TOX: variants seen among roughly 807,000 people sequenced by gnomAD.
The protein encoded by TOX is thymocyte selection associated high mobility group box.
A neutral mutation model predicts 53.7 loss-of-function variants in TOX; 11 were observed. That is an observed-to-expected ratio of 0.20 (90% confidence interval 0.13 to 0.34). The LOEUF (loss-of-function observed/expected upper bound fraction) is 0.34. TOX is among the 10% of genes least tolerant of loss of function. The probability of loss-of-function intolerance (pLI) is 1.00; values close to 1 mark genes in which losing one functional copy is unlikely to be tolerated. For synonymous variants in TOX, 225 were observed against 245.3 expected (o/e 0.92, Z 0.77); for missense variants, 570 against 664.6 (o/e 0.86, Z 1.56).
chr8:59,086,306 C>A (rs375367590), intron 1 of TOX, among the ~76,000 whole-genome samples: 199 of 152,126 alleles, frequency 1.3e-3, no homozygotes, highest in African/African-American at 4.2e-3. Flanking sequence ...GAATATTAAA[C>A]CTTATTTGAC....
intron 5 of TOX, among the ~76,000 whole-genome samples, chr8:58,835,781 T>C (rs1188284055): frequency 2.0e-5 from 3 of 152,146 alleles, no homozygotes; most frequent in Admixed American, 6.5e-5. Flanking sequence ...AAAATGTAAC[T>C]GGGGTCAGAG....
intron 1 of TOX, among the ~76,000 whole-genome samples, chr8:59,045,030 C>A (rs560911168): frequency 4.6e-5 from 7 of 152,248 alleles, no homozygotes; most frequent in Non-Finnish European, 7.3e-5. Context: ...ATAGTGCACA[C>A]TCACCTTGTA....
chr8:58,991,044 T>C (rs553364229), intron 1 of TOX, among the ~76,000 whole-genome samples: 6 of 152,296 alleles, frequency 3.9e-5, no homozygotes, highest in South Asian at 2.1e-4. Flanking sequence ...AAGAATAATA[T>C]ATTTTACAGA....
chr8:58,851,376 G>A lies in TOX; in HGVS notation c.693+148C>T. 1 of 856,030 alleles carries A rather than the reference G, an allele frequency of 1.2e-6. No individual in the cohort carries two copies. Among genetic ancestry groups the A allele is most frequent in the Admixed American group, 2.7e-5 (1 of 36,600 alleles). 53.0% of individuals were successfully genotyped at this position (856,030 alleles called of 1,614,324 possible). ...TTGGACAAGCAGGTGGTTTAATCCA[G>A]TATGTTTGTAACCTCATGCTTCATT... is the stretch of plus-strand genomic sequence containing the variant. On this transcript the variant is annotated intron_variant, in intron 4 of 8. Coordinates refer to ENST00000361421, the MANE Select transcript of TOX (RefSeq NM_014729.3). The surrounding 1 kb of genome is among the most constrained non-coding windows in gnomAD (Gnocchi z 4.4).
At chr8:58,951,709 G>A (rs1272536653) in intron 2 of TOX, among the ~76,000 whole-genome samples, 2 of 152,192 alleles carry the variant, frequency 1.3e-5, no homozygotes, top group Non-Finnish European at 2.9e-5. Flanking sequence ...GAAAGCCTTC[G>A]TTACTGGTCT....
At chr8:58,834,511 C>T (rs1468299494) in intron 5 of TOX, among the ~76,000 whole-genome samples, 4 of 152,124 alleles carry the variant, frequency 2.6e-5, no homozygotes, top group African/African-American at 7.2e-5. Context: ...AAGCTTGAAA[C>T]GGAGATATTA....
intron 1 of TOX, among the ~76,000 whole-genome samples, chr8:59,093,498 A>C (rs918794413): frequency 6.6e-6 from 1 of 152,200 alleles, no homozygotes; most frequent in Non-Finnish European, 1.5e-5. Context: ...CTTTTGAACC[A>C]AGTCTTATGA....
intron 5 of TOX, 27 bp from the exon 6 acceptor site, chr8:58,826,929 T>A (rs960252246): frequency 6.3e-7 from 1 of 1,599,284 alleles, no homozygotes; most frequent in African/African-American, 1.3e-5. Flanking sequence ...GAGTCTTAAA[T>A]TAGAAAGTGC....
chr8:59,055,917 A>G (rs187574272), intron 1 of TOX, among the ~76,000 whole-genome samples: 1 of 152,292 alleles, frequency 6.6e-6, no homozygotes, highest in Non-Finnish European at 1.5e-5. Flanking sequence ...ATCTCAGGAT[A>G]TAGAACATTG....
At chr8:58,838,397 C>T in intron 4 of TOX, 86 bp from the exon 5 acceptor site, 1 of 1,036,680 alleles carries the variant, frequency 9.6e-7, no homozygotes, top group Non-Finnish European at 1.4e-6. Flanking sequence ...GAGACTTAGA[C>T]ACATACCCAT....
At chr8:58,932,961 A>G (rs71521435) in intron 3 of TOX, among the ~76,000 whole-genome samples, 8,883 of 152,228 alleles carry the variant, frequency 0.058, 331 homozygotes, top group East Asian at 0.2. Context: ...AAACCCCCCA[A>G]TTTTATTGCC....
At chr8:58,859,350 T>C (rs1441354475) in intron 3 of TOX, among the ~76,000 whole-genome samples, 1 of 152,156 alleles carries the variant, frequency 6.6e-6, no homozygotes, top group Non-Finnish European at 1.5e-5. Context: ...ATCCTCAGTA[T>C]TTTAATTTAG....
intron 1 of TOX, among the ~76,000 whole-genome samples, chr8:59,077,935 G>T (rs540535031): frequency 6.6e-6 from 1 of 152,246 alleles, no homozygotes; most frequent in South Asian, 2.1e-4. Context: ...CTTGCTTCTC[G>T]TGCAGGCCTT....
intron 3 of TOX, among the ~76,000 whole-genome samples, chr8:58,912,416 G>A (rs568840941): frequency 1.3e-5 from 2 of 152,264 alleles, no homozygotes; most frequent in South Asian, 4.1e-4. Context: ...TATGGCAATG[G>A]TTACATTTTT....
At chr8:58,877,641 A>G (rs1811308248) in intron 3 of TOX, among the ~76,000 whole-genome samples, 1 of 152,244 alleles carries the variant, frequency 6.6e-6, no homozygotes. Context: ...GGGATCTGAA[A>G]GAACATCCTG....
At chr8:58,903,895 C>G (rs901802792) in intron 3 of TOX, among the ~76,000 whole-genome samples, 3 of 152,146 alleles carry the variant, frequency 2.0e-5, no homozygotes, top group African/African-American at 7.2e-5. Flanking sequence ...CCTGATCTCC[C>G]AGGGTTCTTT....
intron 3 of TOX, among the ~76,000 whole-genome samples, chr8:58,874,248 G>T (rs1324209282): frequency 6.6e-6 from 1 of 151,720 alleles, no homozygotes; most frequent in African/African-American, 2.4e-5. Flanking sequence ...AAAACTTTTG[G>T]TATTAAAATT....
At chr8:58,909,279 C>G (rs564386572) in intron 3 of TOX, among the ~76,000 whole-genome samples, 1 of 152,240 alleles carries the variant, frequency 6.6e-6, no homozygotes, top group Admixed American at 6.5e-5. Context: ...TTGATAGGTG[C>G]AGCAAACCAC....
intron 1 of TOX, among the ~76,000 whole-genome samples, chr8:59,063,058 A>G (rs1462823307): frequency 6.6e-6 from 1 of 152,176 alleles, no homozygotes; most frequent in East Asian, 1.9e-4. Flanking sequence ...AAAATTCTTC[A>G]GAAAAGGCAT....
Sources: allele counts gnomAD v4.1 joint callset (sites outside exome capture counted in the v4.1 genomes callset), GRCh38; gene constraint gnomAD v4.1.1; non-coding constraint Gnocchi (gnomAD v3.1); transcripts MANE v1.5; gene names NCBI Gene and HGNC (gene_info 2026-07-23, HGNC 2026-07-21).